MAPK10: variants seen among roughly 807,000 people sequenced by gnomAD.
The protein encoded by MAPK10 is JNK3 alpha protein kinase.
Under a neutral mutation model 59.3 loss-of-function variants are expected in MAPK10, and 25 were observed. That is an observed-to-expected ratio of 0.42 (90% CI 0.31 to 0.59). The LOEUF (loss-of-function observed/expected upper bound fraction) is 0.59, where lower values mean the gene tolerates loss of function less well. Among genes scored for constraint, MAPK10 ranks in the 20% least tolerant of loss-of-function variants. The pLI, the probability that MAPK10 is intolerant of heterozygous loss-of-function variation, is 0.15. For missense variants in MAPK10, 351 were observed against 568.9 expected (o/e 0.62, Z 3.90); for synonymous variants, 190 against 200.5 (o/e 0.95, Z 0.44).
chr4:86,492,945 C>T (rs1754586635), intron 1 of MAPK10, among the ~76,000 whole-genome samples: 1 of 152,122 alleles, frequency 6.6e-6, no homozygotes, highest in Non-Finnish European at 1.5e-5. Context: ...TATTTGAGTC[C>T]TTGTGGATGA....
chr4:86,401,221 C>T (rs1451318017), intron 1 of MAPK10, among the ~76,000 whole-genome samples: 1 of 151,894 alleles, frequency 6.6e-6, no homozygotes, highest in Non-Finnish European at 1.5e-5. Flanking sequence ...TCACTGGACT[C>T]CTGTATATAG....
intron 11 of MAPK10, among the ~76,000 whole-genome samples, chr4:86,041,284 G>A (rs900202243): frequency 6.6e-6 from 1 of 152,284 alleles, no homozygotes; most frequent in South Asian, 2.1e-4. Flanking sequence ...GCCATATGCA[G>A]AAAACTGAAA....
chr4:86,107,637 G>A, intron 4 of MAPK10: 1 of 1,041,966 alleles, frequency 9.6e-7, no homozygotes, highest in Non-Finnish European at 1.2e-6. Context: ...ATCTTGCCAA[G>A]AATATAGCAT....
chr4:86,305,767 C>T (rs1323309537), intron 2 of MAPK10, among the ~76,000 whole-genome samples: 1 of 148,780 alleles, frequency 6.7e-6, no homozygotes, highest in Non-Finnish European at 1.5e-5. Flanking sequence ...GTCAGTGAGC[C>T]GAGATCACAC....
chr4:86,318,432 G>C (rs1020240550), intron 2 of MAPK10, among the ~76,000 whole-genome samples: 3 of 152,066 alleles, frequency 2.0e-5, no homozygotes, highest in Admixed American at 6.6e-5. Flanking sequence ...ATTAGAGAAA[G>C]TTCAAAATTA....
intron 1 of MAPK10, among the ~76,000 whole-genome samples, chr4:86,484,556 T>A (rs920614805): frequency 1.3e-5 from 2 of 152,168 alleles, no homozygotes; most frequent in Admixed American, 1.3e-4. Flanking sequence ...AAAATGGGGA[T>A]AATAAAATCC....
intron 2 of MAPK10, among the ~76,000 whole-genome samples, chr4:86,312,346 T>G (rs1186736655): frequency 1.3e-5 from 2 of 152,132 alleles, no homozygotes; most frequent in Admixed American, 6.6e-5. Flanking sequence ...ATATACCATA[T>G]TCTAATTTTT....
intron 2 of MAPK10, among the ~76,000 whole-genome samples, chr4:86,248,415 T>TA (rs1211949300): frequency 6.6e-6 from 1 of 152,212 alleles, no homozygotes; most frequent in Non-Finnish European, 1.5e-5. Context: ...TTAGTTTTTT[T>TA]AAAATCTCAA....
At chr4:86,445,271 G>T (rs1485818136) in intron 1 of MAPK10, among the ~76,000 whole-genome samples, 3 of 152,158 alleles carry the variant, frequency 2.0e-5, no homozygotes, top group Non-Finnish European at 2.9e-5. Context: ...CCTTTGCAGG[G>T]ACATGAATGG....
At position 86,268,709 on chromosome 4, in the gene MAPK10, C is replaced by A. The variant is rs371092900; in HGVS notation, c.-6-74302G>T. 4 of 152,170 alleles carry A rather than the reference C, an allele frequency of 2.6e-5. No individual in the cohort carries two copies. In the East Asian group the frequency reaches 7.7e-4, roughly 29 times the overall value. The allele number at this position is 152,170 out of a possible 1,614,324, so 9.4% of individuals were successfully genotyped here. On this transcript the variant is annotated intron_variant, in intron 2 of 13. Coordinates refer to ENST00000641462, the MANE Select transcript of MAPK10 (RefSeq NM_138982.4). The stretch of plus-strand genomic sequence containing the variant: ...TTCATATGGCTGCCTTCTCACCATT[C>A]AAGTCTTAACTGAAATGTGGTTTCC...
chr4:86,552,787 T>A (rs536172187), intron 1 of MAPK10, among the ~76,000 whole-genome samples: 84 of 152,240 alleles, frequency 5.5e-4, no homozygotes, highest in African/African-American at 2.0e-3. Flanking sequence ...AATGTTTCCC[T>A]CCAAGGCAAA....
chr4:86,370,813 G>T (rs540054322), intron 1 of MAPK10: 1 of 152,096 alleles, frequency 6.6e-6, no homozygotes, highest in Non-Finnish European at 1.5e-5. Flanking sequence ...TGGCTCTGTC[G>T]ACATGTTTCT....
upstream of MAPK10, among the ~76,000 whole-genome samples, chr4:86,455,321 C>T (rs549552299): frequency 6.6e-6 from 1 of 152,236 alleles, no homozygotes; most frequent in South Asian, 2.1e-4. Context: ...AGCCTAAATG[C>T]ACCATCTAAA....
rs551259584 is a variant in MAPK10, at chr4:86,088,860, G to T, written c.802+9664C>A. On this transcript the variant is annotated intron_variant, in intron 9 of 13. Transcript: ENST00000641462. ...TAAATCTTCAGTCTTAGAACTGAAA[G>T]ACTTTATTTATTATCTAGCTATGAA... Among the ~76,000 whole-genome samples the T allele has an allele frequency of 7.2e-5, 11 of 152,226 alleles. No homozygotes were observed. In the South Asian group the frequency reaches 1.0e-3, roughly 14 times the overall value.
chr4:86,134,030 T>C (rs1405584627), intron 4 of MAPK10, among the ~76,000 whole-genome samples: 1 of 152,200 alleles, frequency 6.6e-6, no homozygotes, highest in African/African-American at 2.4e-5. Context: ...ATGCAAACTA[T>C]CAGTCACCAA....
intron 1 of MAPK10, among the ~76,000 whole-genome samples, chr4:86,548,043 C>T (rs925268350): frequency 1.3e-4 from 20 of 152,284 alleles, no homozygotes; most frequent in African/African-American, 4.6e-4. Flanking sequence ...CGCTCAGGTC[C>T]CCTTCCACAC....
At chr4:86,105,425 C>T (rs566124491) in intron 5 of MAPK10, among the ~76,000 whole-genome samples, 1 of 152,200 alleles carries the variant, frequency 6.6e-6, no homozygotes, top group South Asian at 2.1e-4. Context: ...TTTTAGGCTT[C>T]ATAAATATGA....
At chr4:86,419,770 CT>C (rs1211438664) in intron 1 of MAPK10, among the ~76,000 whole-genome samples, 1 of 151,980 alleles carries the variant, frequency 6.6e-6, no homozygotes, top group African/African-American at 2.4e-5. Context: ...ATATTCCCTC[CT>C]AGGAATCTTT....
intron 6 of MAPK10, 104 bp from the exon 7 acceptor site, chr4:86,102,136 T>C (rs2055533599): frequency 5.0e-6 from 5 of 995,628 alleles, no homozygotes; most frequent in Admixed American, 1.9e-5. Context: ...CTGAACTTCT[T>C]AGCTCTGCCT....
Sources: gnomAD v4.1 joint callset for allele counts (sites outside exome capture counted in the v4.1 genomes callset) on GRCh38, gnomAD v4.1.1 for gene constraint, MANE v1.5 for transcripts, NCBI Gene and HGNC (gene_info 2026-07-23, HGNC 2026-07-21) for gene names.